The following JHY variants were observed in gnomAD, a reference collection of about 807,000 sequenced individuals.
JHY encodes jhy protein homolog.
A neutral mutation model predicts 78.0 loss-of-function variants in JHY; 69 were observed. The observed-to-expected ratio is 0.88, with a 90% CI of 0.73 to 1.08. JHY has a LOEUF of 1.08. JHY is among the 50% of genes least tolerant of loss of function. The pLI, the probability that JHY is intolerant of heterozygous loss-of-function variation, is 0.00. For synonymous variants in JHY, 368 were observed against 342.6 expected (o/e 1.07, Z -0.82); for missense variants, 944 against 927.8 (o/e 1.02, Z -0.23).
chr11:122,940,787 G>A (rs1485459598), intron 5 of JHY, among the ~76,000 whole-genome samples: 1 of 151,830 alleles, frequency 6.6e-6, no homozygotes, highest in Non-Finnish European at 1.5e-5. Flanking sequence ...TTATTACATG[G>A]CTGTTGAAAT....
At chr11:122,939,198 G>A (rs1409262350) in intron 5 of JHY, among the ~76,000 whole-genome samples, 1 of 152,094 alleles carries the variant, frequency 6.6e-6, no homozygotes, top group Admixed American at 6.6e-5. Context: ...ATGTTGGCCA[G>A]GATGGTCTCG....
chr11:122,909,447 A>G (rs987129426), intron 3 of JHY, among the ~76,000 whole-genome samples: 1 of 152,158 alleles, frequency 6.6e-6, no homozygotes, highest in African/African-American at 2.4e-5. Flanking sequence ...CAGTCTCCTC[A>G]TCTTTAAAAT....
chr11:122,896,782 C>T (rs1170407719), intron 2 of JHY, among the ~76,000 whole-genome samples: 1 of 152,216 alleles, frequency 6.6e-6, no homozygotes, highest in Non-Finnish European at 1.5e-5. Flanking sequence ...CTGACACGTG[C>T]TTCCACAGGT....
intron 3 of JHY, among the ~76,000 whole-genome samples, chr11:122,909,137 C>T (rs1863057787): frequency 1.3e-5 from 2 of 152,066 alleles, no homozygotes. Flanking sequence ...TCAGTCTCAG[C>T]CTATTAGAGA....
In JHY at chr11:122,886,032, T is replaced by C. The variant is rs574455219; in HGVS notation, c.183T>C (p.Asp61=). 183 of 1,614,182 alleles carry C rather than the reference T, an allele frequency of 1.1e-4. 2 individuals carry two copies. The South Asian group carries it at 2.0e-3, about 17-fold the overall frequency. The change falls in exon 2 of 9, where the codon GAT becomes GAC. Residue 61 remains aspartate, a synonymous_variant. Transcript: ENST00000227349. ...AGATTATGTGCCATTCTGAGTTTGA[T>C]GATCGAATCCGGGGCAACGGTATGG... ...TQEIMCHSEF[D]DRIRGNGMEP... is the part of the protein sequence containing the mutation.
intron 6 of JHY, among the ~76,000 whole-genome samples, chr11:122,949,033 G>A (rs1189090808): frequency 2.0e-5 from 3 of 151,514 alleles, no homozygotes; most frequent in African/African-American, 4.9e-5. Flanking sequence ...GCAGTGAGCC[G>A]AGATTGCGCC....
intron 3 of JHY, among the ~76,000 whole-genome samples, chr11:122,919,476 G>A (rs75918785): frequency 0.017 from 2,650 of 151,870 alleles, 37 homozygotes; most frequent in South Asian, 0.047. Context: ...GCGCATCAGC[G>A]AAACTGAAAG....
At chr11:122,920,036 A>G (rs903442607) in intron 3 of JHY, among the ~76,000 whole-genome samples, 3 of 152,212 alleles carry the variant, frequency 2.0e-5, no homozygotes, top group African/African-American at 4.8e-5. Context: ...CAGCCTCACA[A>G]TGGCAGACTG....
chr11:122,952,148 AG>A (rs951548096), intron 6 of JHY, among the ~76,000 whole-genome samples: 4 of 152,058 alleles, frequency 2.6e-5, no homozygotes, highest in Non-Finnish European at 5.9e-5. Context: ...CTGGAGGCGG[AG>A]GGGGCAAAGG....
chr11:122,899,879 C>T (rs924741979), intron 2 of JHY, among the ~76,000 whole-genome samples: 3 of 152,192 alleles, frequency 2.0e-5, no homozygotes, highest in African/African-American at 4.8e-5. Context: ...AGATGGAGAA[C>T]GTGAGCCCAG....
intron 6 of JHY, among the ~76,000 whole-genome samples, chr11:122,954,132 A>C (rs1004326715): frequency 1.3e-5 from 2 of 152,206 alleles, no homozygotes; most frequent in African/African-American, 4.8e-5. Context: ...GATTGCTAGC[A>C]CTGGTGGTTC....
chr11:122,932,427 T>C (rs918928535), intron 4 of JHY, among the ~76,000 whole-genome samples: 4 of 152,132 alleles, frequency 2.6e-5, no homozygotes, highest in African/African-American at 9.7e-5. Context: ...ATAACATGAT[T>C]AAGATCAAGT....
chr11:122,933,523 G>T (rs189402238), intron 4 of JHY, among the ~76,000 whole-genome samples: 3 of 152,270 alleles, frequency 2.0e-5, no homozygotes, highest in Admixed American at 2.0e-4. Context: ...ACATTTTGTT[G>T]TTAGGAGACT....
chr11:122,929,402 C>T (rs1185915175), intron 4 of JHY, among the ~76,000 whole-genome samples: 2 of 152,036 alleles, frequency 1.3e-5, no homozygotes, highest in African/African-American at 4.8e-5. Flanking sequence ...GAAATAACCC[C>T]CATAGGAGTC....
chr11:122,896,619 T>C (rs1268419087), intron 2 of JHY, among the ~76,000 whole-genome samples: 1 of 152,104 alleles, frequency 6.6e-6, no homozygotes, highest in Non-Finnish European at 1.5e-5. Flanking sequence ...ACTTAGTGTA[T>C]CACAAGACAA....
rs919906376 is a variant in JHY, at chr11:122,917,294, A to T, written c.865-7603A>T. ...CTTCAAGACTAGAAAATGTCACTTC[A>T]TCCAGTGAGTTAGTTAAGGAGAAGG... On this transcript the variant is annotated intron_variant, in intron 3 of 8. Transcript: ENST00000227349. The surrounding 1 kb of genome is among the most constrained non-coding windows in gnomAD (Gnocchi z 4.1). Among the ~76,000 whole-genome samples the T allele has an allele frequency of 6.6e-6, 1 of 152,208 alleles. No homozygotes were observed. The highest frequency in any genetic ancestry group is 1.5e-5 in the Non-Finnish European group (1 of 68,038).
intron 4 of JHY, 92 bp downstream of exon 4, chr11:122,925,102 T>A: frequency 1.0e-6 from 1 of 992,600 alleles, no homozygotes; most frequent in Middle Eastern, 2.9e-4. Flanking sequence ...CTTAAGGGTT[T>A]ATTTTTATGC....
At chr11:122,893,490 G>A (rs1315013718) in intron 2 of JHY, among the ~76,000 whole-genome samples, 1 of 152,076 alleles carries the variant, frequency 6.6e-6, no homozygotes, top group South Asian at 2.1e-4. Context: ...TTCAAAACTG[G>A]GATGCATTAT....
intron 2 of JHY, among the ~76,000 whole-genome samples, 196 bp downstream of exon 2, chr11:122,886,389 T>C (rs1862497662): frequency 6.6e-6 from 1 of 152,004 alleles, no homozygotes; most frequent in South Asian, 2.1e-4. Context: ...AAAAGTGCAA[T>C]GGGTATTAAT....
Sources: allele counts gnomAD v4.1 joint callset (sites outside exome capture counted in the v4.1 genomes callset), GRCh38; gene constraint gnomAD v4.1.1; non-coding constraint Gnocchi (gnomAD v3.1); transcripts MANE v1.5; gene names NCBI Gene and HGNC (gene_info 2026-07-23, HGNC 2026-07-21).